SLC9A7: variants seen among roughly 807,000 people sequenced by gnomAD.
SLC9A7 encodes the protein solute carrier family 9 member A7.
In SLC9A7, 19 loss-of-function variants were observed where a neutral mutation model predicts 52.6. The observed-to-expected ratio is 0.36, with a 90% CI of 0.25 to 0.53. The LOEUF (loss-of-function observed/expected upper bound fraction) is 0.53, where lower values mean the gene tolerates loss of function less well. Ranked by LOEUF, SLC9A7 falls within the 20% of genes least tolerant of loss-of-function variation. The pLI is 0.91. For synonymous variants in SLC9A7, 226 were observed against 252.1 expected, an observed-to-expected ratio of 0.90 and a Z score of 0.98; for missense variants, 455 against 597.9, an observed-to-expected ratio of 0.76 and a Z score of 2.49.
chrX:46,725,422 C>G (rs1289298078), intron 1 of SLC9A7: 1 of 1,145,707 alleles, frequency 8.7e-7, no homozygotes, highest in African/African-American at 1.8e-5. Flanking sequence ...TCTAGCTGGT[C>G]TCGTAAATCC....
intron 14 of SLC9A7, among the ~76,000 whole-genome samples, chrX:46,623,824 C>CT (rs1360675721): frequency 4.5e-5 from 5 of 111,912 alleles, no homozygotes; most frequent in East Asian, 2.8e-4. Context: ...GGAGGAACAT[C>CT]TTTTTTTATT....
At chrX:46,621,931 G>T (rs930536865) in intron 14 of SLC9A7, among the ~76,000 whole-genome samples, 1 of 111,270 alleles carries the variant, frequency 9.0e-6, no homozygotes, top group African/African-American at 3.3e-5. Context: ...TGCAAGTGAG[G>T]GACAATTGAC....
At chrX:46,730,670 T>TATATATATATATATATA (rs1491295251) in intron 1 of SLC9A7, among the ~76,000 whole-genome samples, 1 of 42,917 alleles carries the variant, frequency 2.3e-5, no homozygotes, top group African/African-American at 6.4e-5. Context: ...AAAAAAAAAA[T>TATATATATATATATATA]TATATATATA....
At chrX:46,757,459 G>T (rs782589983) in intron 1 of SLC9A7, among the ~76,000 whole-genome samples, 1 of 112,694 alleles carries the variant, frequency 8.9e-6, no homozygotes, top group African/African-American at 3.2e-5. Context: ...ATGAGCCCCG[G>T]CTGTCAACAA....
Position 46,604,207 on chromosome X carries a change from G to A in SLC9A7, c.*2745C>T, listed in dbSNP as rs936555773. 8.9e-6 allele frequency: 1 copy of A among 111,983 alleles called. No homozygotes were observed. The highest frequency in any genetic ancestry group is 3.2e-5 in the African/African-American group (1 of 30,771). 9.2% of individuals were successfully genotyped at this position (111,983 alleles called of 1,213,427 possible). On this transcript the variant is annotated 3_prime_UTR_variant, in exon 17 of 17. Coordinates refer to ENST00000616978, the MANE Select transcript of SLC9A7 (RefSeq NM_001257291.2). The stretch of plus-strand genomic sequence containing the variant: ...AGCTGCTGTCTGCAACCTCACCCCA[G>A]GATATAAGAACTTCCCTTCCAGGGG...
At chrX:46,716,164 C>T (rs1944765525) in intron 1 of SLC9A7, among the ~76,000 whole-genome samples, 1 of 111,001 alleles carries the variant, frequency 9.0e-6, no homozygotes, top group African/African-American at 3.3e-5. Flanking sequence ...TGACTCAGAC[C>T]TGAGACTTCT....
intron 12 of SLC9A7, among the ~76,000 whole-genome samples, chrX:46,640,787 T>C (rs1943394459): frequency 8.9e-6 from 1 of 112,656 alleles, no homozygotes; most frequent in Non-Finnish European, 1.9e-5. Flanking sequence ...GAAGTCATGC[T>C]TAATATCATT....
At chrX:46,688,648 C>T (rs1475723947) in intron 1 of SLC9A7, among the ~76,000 whole-genome samples, 14 of 109,014 alleles carry the variant, frequency 1.3e-4, no homozygotes, top group African/African-American at 3.7e-4. Flanking sequence ...CACAGCAGCA[C>T]TTGTTATTGT....
intron 5 of SLC9A7, among the ~76,000 whole-genome samples, chrX:46,668,448 G>A (rs1178247509): frequency 4.5e-5 from 5 of 111,296 alleles, no homozygotes; most frequent in African/African-American, 6.5e-5. Flanking sequence ...CAGAGGTTAC[G>A]GTGAGCCAAG....
chrX:46,655,784 G>A (rs1943672284), intron 7 of SLC9A7, among the ~76,000 whole-genome samples: 1 of 112,545 alleles, frequency 8.9e-6, no homozygotes, highest in Non-Finnish European at 1.9e-5. Flanking sequence ...AGGCGGCAGC[G>A]AGGCTGGGGG....
In SLC9A7 at chrX:46,603,439, A is replaced by G. The variant is rs1475404588; in HGVS notation, c.*3513T>C. 1 of 112,183 alleles carries G rather than the reference A, an allele frequency of 8.9e-6. No individual in the cohort carries two copies. Among genetic ancestry groups the G allele is most frequent in the African/African-American group, 3.2e-5 (1 of 30,841 alleles). The allele number at this position is 112,183 out of a possible 1,213,427, so 9.2% of individuals were successfully genotyped here. A position where few individuals can be genotyped will look rare whatever the true frequency, so the allele number is the denominator to read the frequency against. On this transcript the variant is annotated 3_prime_UTR_variant, in exon 17 of 17. Transcript: ENST00000616978. ...ACTACAAGACCCTTTGGGGATAAAC[A>G]CAACACTCTATGAATTGAACTAAGA...
chrX:46,756,746 C>A (rs896412872), intron 1 of SLC9A7, among the ~76,000 whole-genome samples: 4 of 112,202 alleles, frequency 3.6e-5, no homozygotes, highest in African/African-American at 1.3e-4. Context: ...CAAAATTACA[C>A]AGGAATGCTG....
At chrX:46,608,390 A>G (rs1942788622) in intron 16 of SLC9A7, among the ~76,000 whole-genome samples, 1 of 112,476 alleles carries the variant, frequency 8.9e-6, no homozygotes, top group Admixed American at 9.4e-5. Flanking sequence ...TTCCCTACAC[A>G]CAGTCTACAC....
chrX:46,741,825 A>G (rs1921370597), intron 1 of SLC9A7, among the ~76,000 whole-genome samples: 1 of 109,939 alleles, frequency 9.1e-6, no homozygotes, highest in Admixed American at 9.7e-5. Flanking sequence ...TCTCCAAAAG[A>G]TATGGTTAAG....
chrX:46,662,303 T>C (rs758549308), intron 6 of SLC9A7, 146 bp from the exon 7 acceptor site: 17 of 606,055 alleles, frequency 2.8e-5, no homozygotes, highest in African/African-American at 1.8e-4. Context: ...GCAGCCAGCA[T>C]TGCCCAGGGT....
intron 1 of SLC9A7, among the ~76,000 whole-genome samples, chrX:46,746,483 TTAAA>T (rs1283667324): frequency 9.0e-6 from 1 of 111,608 alleles, no homozygotes; most frequent in Non-Finnish European, 1.9e-5. Context: ...AGCAAAAGAT[TTAAA>T]TAAACATTTC....
intron 1 of SLC9A7, among the ~76,000 whole-genome samples, chrX:46,716,125 G>A (rs1165291102): frequency 3.6e-5 from 4 of 111,028 alleles, no homozygotes. Flanking sequence ...GTCTGCTCAA[G>A]TGAAGATGGG....
intron 1 of SLC9A7, among the ~76,000 whole-genome samples, chrX:46,717,972 C>T (rs1218772496): frequency 2.7e-5 from 3 of 111,412 alleles, no homozygotes; most frequent in Non-Finnish European, 5.7e-5. Flanking sequence ...AAACCAAAAA[C>T]GAGCCCACAT....
intron 13 of SLC9A7, among the ~76,000 whole-genome samples, chrX:46,634,632 G>A (rs1351249725): frequency 2.7e-5 from 3 of 111,924 alleles, no homozygotes; most frequent in Non-Finnish European, 5.6e-5. Flanking sequence ...AAAGGAAAGG[G>A]TTTCCTCTGC....
Sources: gnomAD v4.1 joint callset for allele counts (sites outside exome capture counted in the v4.1 genomes callset) on GRCh38, gnomAD v4.1.1 for gene constraint, MANE v1.5 for transcripts, NCBI Gene and HGNC (gene_info 2026-07-23, HGNC 2026-07-21) for gene names.